The following ADAMTSL3 variants were observed in gnomAD, a reference collection of about 807,000 sequenced individuals.
The protein encoded by ADAMTSL3 is ADAMTS like 3, also known as ADAMTS-like protein 3.
ADAMTSL3 carries 128 observed loss-of-function variants against 201.7 expected under a neutral mutation model. The observed-to-expected ratio is 0.63, with a 90% CI of 0.55 to 0.73. The LOEUF (loss-of-function observed/expected upper bound fraction) is 0.73. ADAMTSL3 is among the 30% of genes least tolerant of loss of function. The probability of loss-of-function intolerance (pLI) is 0.00; values close to 1 mark genes in which losing one functional copy is unlikely to be tolerated. For missense variants in ADAMTSL3, 1,990 were observed against 2,119.6 expected, an observed-to-expected ratio of 0.94 and a Z score of 1.20; for synonymous variants, 738 against 748.4, an observed-to-expected ratio of 0.99 and a Z score of 0.23.
chr15:84,033,726 A>G (rs1596560275), intron 28 of ADAMTSL3, among the ~76,000 whole-genome samples: 1 of 152,130 alleles, frequency 6.6e-6, no homozygotes, highest in African/African-American at 2.4e-5. Context: ...AGCCTCATCC[A>G]TTATCTCATG....
chr15:83,759,828 C>A (rs188462112), intron 3 of ADAMTSL3, among the ~76,000 whole-genome samples: 1 of 152,184 alleles, frequency 6.6e-6, no homozygotes, highest in East Asian at 1.9e-4. Context: ...CATAAAGAAA[C>A]ATAATATATT....
chr15:84,027,652 G>A (rs1467944331), intron 27 of ADAMTSL3, among the ~76,000 whole-genome samples: 1 of 152,156 alleles, frequency 6.6e-6, no homozygotes, highest in Non-Finnish European at 1.5e-5. Flanking sequence ...AGGGCTTACA[G>A]TGAGCTGAGA....
At chr15:83,713,558 A>C (rs2061961071) in intron 3 of ADAMTSL3, among the ~76,000 whole-genome samples, 7 of 152,174 alleles carry the variant, frequency 4.6e-5, no homozygotes, top group Admixed American at 1.3e-4. Flanking sequence ...ATGCATGAAT[A>C]ATGCACATGC....
rs147358078 is a variant in ADAMTSL3, at chr15:84,036,877, G to A, written c.4859G>A (p.Arg1620Gln). 1.3e-5 allele frequency: 21 copies of A among 1,613,982 alleles called. No homozygotes were observed. Among genetic ancestry groups the A allele is most frequent in the South Asian group, 5.5e-5 (5 of 91,076 alleles). The change falls in exon 29 of 30, where the codon CGG (arginine) becomes CAG (glutamine). Residue 1620 changes from arginine to glutamine, a missense_variant. By Grantham distance (43) the Arg-to-Gln change is conservative. Transcript: ENST00000286744. ...TAACGRGFQS[R>Q]KVDCIHTRSC... Reference sequence around the variant, plus strand: ...GCCTGTGGCAGGGGTTTCCAGTCTCGGAAAGTCGACTGTATCCACACAAGG... The same window carrying A: ...GCCTGTGGCAGGGGTTTCCAGTCTCAGAAAGTCGACTGTATCCACACAAGG...
chr15:83,690,863 A>G (rs1331753004), intron 2 of ADAMTSL3, among the ~76,000 whole-genome samples: 1 of 152,226 alleles, frequency 6.6e-6, no homozygotes, highest in Admixed American at 6.5e-5. Context: ...CTTACAGTTT[A>G]AAGAACACTA....
rs997854285 is a variant in ADAMTSL3 at position 84,038,159 on chromosome 15, C to T, written c.*353C>T. ...ATATGTAGACTAGCACAGAGTGGTA[C>T]ATCCTAAAAACTTGGGAAACACAGC... is the stretch of plus-strand genomic sequence containing the variant. On this transcript the variant is annotated 3_prime_UTR_variant, in exon 30 of 30. Transcript: ENST00000286744. 2 of 193,698 alleles carry T rather than the reference C, an allele frequency of 1.0e-5. No individual in the cohort carries two copies. Among genetic ancestry groups the T allele is most frequent in the African/African-American group, 4.6e-5 (2 of 43,202 alleles). 12.0% of individuals were successfully genotyped at this position (193,698 alleles called of 1,614,324 possible).
chr15:83,777,881 C>G (rs1310340533), intron 4 of ADAMTSL3, among the ~76,000 whole-genome samples: 2 of 152,128 alleles, frequency 1.3e-5, no homozygotes, highest in Admixed American at 6.6e-5. Flanking sequence ...CATTATAAAA[C>G]AATACTGGAA....
chr15:83,998,463 A>G (rs1462811910), intron 23 of ADAMTSL3, among the ~76,000 whole-genome samples: 2 of 152,246 alleles, frequency 1.3e-5, no homozygotes, highest in African/African-American at 4.8e-5. Flanking sequence ...AAAGGAAAAA[A>G]AGAAAGGAAT....
chr15:83,654,973 G>T lies in ADAMTSL3; in HGVS notation c.-34+697G>T, dbSNP rs59144084. ...GGACACCAGCTCCGCCAAGGCGCCC[G>T]CGAGGCGAAGCGGGAGTCGAGTGTG... On this transcript the variant is annotated intron_variant, in intron 1 of 29. Transcript: ENST00000286744. This position sits in a 1 kb window ranked among gnomAD's most constrained non-coding sequence, Gnocchi z 5.3. Among the ~76,000 whole-genome samples, 13,628 of 151,614 alleles carry T rather than the reference G, an allele frequency of 0.09. 844 individuals are homozygous for T. Among genetic ancestry groups the T allele is most frequent in the East Asian group, 0.36 (1,839 of 5,158 alleles).
At chr15:83,681,700 A>G (rs2061478096) in intron 2 of ADAMTSL3, among the ~76,000 whole-genome samples, 1 of 152,172 alleles carries the variant, frequency 6.6e-6, no homozygotes, top group African/African-American at 2.4e-5. Flanking sequence ...ACAGACTCAC[A>G]TTGGATGTGG....
chr15:83,780,565 C>T (rs1414829755), intron 4 of ADAMTSL3, among the ~76,000 whole-genome samples: 1 of 152,098 alleles, frequency 6.6e-6, no homozygotes, highest in African/African-American at 2.4e-5. Flanking sequence ...GACAAAGATG[C>T]CCTCTCTCAC....
chr15:83,780,054 A>G (rs1363552019), intron 4 of ADAMTSL3, among the ~76,000 whole-genome samples: 1 of 101,860 alleles, frequency 9.8e-6, no homozygotes, highest in Non-Finnish European at 1.9e-5. Context: ...TCCCAAAGCT[A>G]GCAGAGACAA....
In ADAMTSL3 at chr15:83,890,143, C is replaced by G; in HGVS notation, c.1107C>G (p.Ile369Met). Residue 369 changes from isoleucine (I) to methionine (M), a missense_variant, in exon 11 of 30, where the codon ATC (isoleucine) becomes ATG (methionine). Transcript: ENST00000286744. ...YQLNSAECVD[I>M]RLKRVVPDHY... ...TCAATTCTGCTGAATGTGTGGATAT[C>G]CGCTTGAAGAGGGTAGTTCCTGACC... is the stretch of plus-strand genomic sequence containing the variant. The G allele has an allele frequency of 1.2e-6, 2 of 1,613,468 alleles. No homozygotes were observed. Among genetic ancestry groups the G allele is most frequent in the Non-Finnish European group, 1.7e-6 (2 of 1,179,680 alleles).
chr15:83,721,852 C>T (rs1408300912), intron 3 of ADAMTSL3, among the ~76,000 whole-genome samples: 2 of 152,158 alleles, frequency 1.3e-5, no homozygotes, highest in South Asian at 2.1e-4. Flanking sequence ...CCTACTTCAG[C>T]CTCCTGAGTA....
intron 7 of ADAMTSL3, among the ~76,000 whole-genome samples, chr15:83,842,700 G>T (rs1049223841): frequency 6.6e-6 from 1 of 152,238 alleles, no homozygotes. Context: ...AAAACAGAGT[G>T]ATTGTAGGAC....
In ADAMTSL3 at chr15:83,982,850, G is replaced by C. The variant is rs2067411033; in HGVS notation, c.3222G>C (p.Glu1074Asp). The C allele has an allele frequency of 6.2e-7, 1 of 1,614,016 alleles. No individual in the cohort carries two copies. The change falls in exon 21 of 30, where the codon GAG (glutamate) becomes GAC (aspartate). Residue 1074 changes from glutamate (E) to aspartate (D), a missense_variant. By Grantham distance (45) the Glu-to-Asp change is conservative. Transcript: ENST00000286744. ...CTGCAGGAAGCACCAACTCCTGGGA[G>C]TTGAAGAATAAGCAGTTTGAAGCAG... ...SNSAGSTNSW[E>D]LKNKQFEAAV... is the part of the protein sequence containing the mutation.
intron 16 of ADAMTSL3, among the ~76,000 whole-genome samples, chr15:83,917,904 G>A (rs1322795698): frequency 1.3e-5 from 2 of 152,166 alleles, no homozygotes; most frequent in African/African-American, 2.4e-5. Flanking sequence ...ATCACAGTGT[G>A]TGGTACACTG....
chr15:83,838,887 C>T (rs566832241), intron 7 of ADAMTSL3, among the ~76,000 whole-genome samples: 5 of 152,172 alleles, frequency 3.3e-5, no homozygotes, highest in Admixed American at 6.5e-5. Flanking sequence ...TTAGGCTTTG[C>T]TGGCCATATA....
At chr15:83,822,087 C>T in intron 6 of ADAMTSL3, among the ~76,000 whole-genome samples, 1 of 143,462 alleles carries the variant, frequency 7.0e-6, no homozygotes, top group Non-Finnish European at 1.5e-5. Flanking sequence ...GGCAGAGGCA[C>T]CCCTCACCTC....
Sources: gnomAD v4.1 joint callset for allele counts (sites outside exome capture counted in the v4.1 genomes callset) on GRCh38, gnomAD v4.1.1 for gene constraint, Gnocchi (gnomAD v3.1) non-coding constraint, MANE v1.5 for transcripts, NCBI Gene and HGNC (gene_info 2026-07-23, HGNC 2026-07-21) for gene names.